Variants in TXNDC17 observed in about 807,000 individuals in gnomAD.
TXNDC17 encodes the protein thioredoxin domain-containing protein 17.
A neutral mutation model predicts 16.3 loss-of-function variants in TXNDC17; 12 were observed. The ratio of observed to expected loss-of-function variants is 0.74; its 90% CI spans 0.47 to 1.19. The LOEUF is 1.19. TXNDC17 is among the 50% of genes most tolerant of loss of function. The pLI is 0.00. For synonymous variants in TXNDC17, 62 were observed against 55.0 expected (o/e 1.13, Z -0.56); for missense variants, 158 against 149.7 (o/e 1.06, Z -0.29).
At position 6,641,782 on chromosome 17, in the gene TXNDC17, C is replaced by T; in HGVS notation, c.175C>T (p.His59Tyr). The T allele has an allele frequency of 5.0e-6, 8 of 1,614,086 alleles. No individual in the cohort carries two copies. Among genetic ancestry groups the T allele is most frequent in the Non-Finnish European group, 6.8e-6 (8 of 1,180,016 alleles). Residue 59 changes from histidine to tyrosine, a missense_variant, in exon 2 of 4, where the codon CAC (histidine) becomes TAC (tyrosine). Coordinates refer to ENST00000250101, the MANE Select transcript of TXNDC17 (RefSeq NM_032731.4). Reference protein sequence around the residue: ...AEPVVREGLKHISEGCVFIYC... With the variant: ...AEPVVREGLKYISEGCVFIYC... ...ACCAGTCGTACGAGAGGGGCTGAAGCACATTAGTGAAGGATGTGTGTTCAT... is the reference window on the plus strand; with the variant it reads ...ACCAGTCGTACGAGAGGGGCTGAAGTACATTAGTGAAGGATGTGTGTTCAT...
Position 6,642,584 on chromosome 17 carries a change from C to T in TXNDC17, c.303+260C>T, listed in dbSNP as rs549010088. 6.6e-6 allele frequency: 3 copies of T among 457,532 alleles called. No homozygotes were observed. In the South Asian group the frequency reaches 1.1e-4, roughly 16 times the overall value. 28.3% of individuals were successfully genotyped at this position (457,532 alleles called of 1,614,324 possible). A position where few individuals can be genotyped will look rare whatever the true frequency, so the allele number is the denominator to read the frequency against. On this transcript the variant is annotated intron_variant, in intron 3 of 3. Coordinates refer to ENST00000250101, the MANE Select transcript of TXNDC17 (RefSeq NM_032731.4). ...TAATTCCTTAAAACATTTGCATCAA[C>T]AGTTGTTTTCTGTTTAATTCATAAT... is the stretch of plus-strand genomic sequence containing the variant.
At position 6,642,914 on chromosome 17, in the gene TXNDC17, T is replaced by A. The variant is rs553008727; in HGVS notation, c.304-37T>A. On this transcript the variant is annotated intron_variant, in intron 3 of 3. Transcript: ENST00000250101. ...TCATTCCACTCCTAATAACGTTTTATAGAAGTAGTGAAGATTTGACTGTTT... is the reference window on the plus strand; with the variant it reads ...TCATTCCACTCCTAATAACGTTTTAAAGAAGTAGTGAAGATTTGACTGTTT... 89 of 1,510,810 alleles carry A rather than the reference T, an allele frequency of 5.9e-5. No individual in the cohort carries two copies. In the South Asian group the frequency reaches 8.4e-4, roughly 14 times the overall value. 93.6% of individuals were successfully genotyped at this position (1,510,810 alleles called of 1,614,324 possible). A position where few individuals can be genotyped will look rare whatever the true frequency, so the allele number is the denominator to read the frequency against.
chr17:6,641,980 A>T, intron 2 of TXNDC17, 146 bp downstream of exon 2: 1 of 794,814 alleles, frequency 1.3e-6, no homozygotes, highest in Non-Finnish European at 2.1e-6. Flanking sequence ...ATACAAATTT[A>T]AAATGCCCAC....
chr17:6,641,297 G>C (rs1273256783), intron 1 of TXNDC17, 70 bp downstream of exon 1: 1 of 1,587,436 alleles, frequency 6.3e-7, no homozygotes, highest in Non-Finnish European at 8.6e-7. Context: ...GCCAGAAGGG[G>C]GGCTTAGCGG....
At chr17:6,641,662 C>T (rs938162850) in intron 1 of TXNDC17, 91 bp from the exon 2 acceptor site, 11 of 1,286,766 alleles carry the variant, frequency 8.5e-6, no homozygotes, top group African/African-American at 1.5e-5. Flanking sequence ...TGAGTGCTTA[C>T]CAAGACTGGG....
chr17:6,644,480 G>A lies in TXNDC17; in HGVS notation c.*1461G>A. ...GTATCCAGTTTTTCATTTTCCCGAT[G>A]TGTTATTTTGCTGTTGCTGCTCTGC... is the stretch of plus-strand genomic sequence containing the variant. On this transcript the variant is annotated 3_prime_UTR_variant, in exon 4 of 4. Coordinates refer to ENST00000250101, the MANE Select transcript of TXNDC17 (RefSeq NM_032731.4). 6.3e-7 allele frequency: 1 copy of A among 1,599,838 alleles called. No individual in the cohort carries two copies. The highest frequency in any genetic ancestry group is 8.5e-7 in the Non-Finnish European group (1 of 1,174,086).
chr17:6,641,699 C>A, intron 1 of TXNDC17, 54 bp from the exon 2 acceptor site: 1 of 1,542,608 alleles, frequency 6.5e-7, no homozygotes, highest in East Asian at 2.3e-5. Context: ...ACAGTTTATA[C>A]GTGCCTGATT....
chr17:6,642,438 A>G, intron 3 of TXNDC17, 114 bp downstream of exon 3: 2 of 746,578 alleles, frequency 2.7e-6, no homozygotes, highest in South Asian at 1.9e-5. Flanking sequence ...ATTGTTGTTC[A>G]GAGTGCTGCT....
chr17:6,641,773 G>T lies in TXNDC17; in HGVS notation c.166G>T (p.Gly56Trp), dbSNP rs747247546. 5.6e-6 allele frequency: 9 copies of T among 1,613,942 alleles called. No individual in the cohort carries two copies. The highest frequency in any genetic ancestry group is 7.6e-6 in the Non-Finnish European group (9 of 1,180,004). Residue 56 changes from glycine (G) to tryptophan (W), a missense_variant, in exon 2 of 4, where the codon GGG becomes TGG. By Grantham distance (184) the Gly-to-Trp change is radical. Transcript: ENST00000250101. ...CVQAEPVVRE[G>W]LKHISEGCVF... ...TAAAGCTGAACCAGTCGTACGAGAG[G>T]GGCTGAAGCACATTAGTGAAGGATG...
Position 6,641,564 on chromosome 17 carries a change from A to T in TXNDC17, c.146-189A>T, listed in dbSNP as rs556146270. The T allele has an allele frequency of 2.6e-4, 173 of 666,166 alleles. No individual in the cohort carries two copies. The African/African-American group carries it at 2.6e-3, about 10-fold the overall frequency. 41.3% of individuals were successfully genotyped at this position (666,166 alleles called of 1,614,324 possible). A position where few individuals can be genotyped will look rare whatever the true frequency, so the allele number is the denominator to read the frequency against. On this transcript the variant is annotated intron_variant, in intron 1 of 3. Transcript: ENST00000250101. ...GGTGCAGGGGCAAATCGGGACTGGG[A>T]TTTGGTCCTTACCCTTAACGTGGCT...
rs573607981 is a variant in TXNDC17, at chr17:6,643,721, T to C, written c.*702T>C. ...GTTTTCTCTTCTATAAACAAGGTTCTTAGAATAAAATGAGAATTCAAGGAA... is the reference window on the plus strand; with the variant it reads ...GTTTTCTCTTCTATAAACAAGGTTCCTAGAATAAAATGAGAATTCAAGGAA... On this transcript the variant is annotated 3_prime_UTR_variant, in exon 4 of 4. Transcript: ENST00000250101. 1 of 164,404 alleles carries C rather than the reference T, an allele frequency of 6.1e-6. No individual in the cohort carries two copies. Among genetic ancestry groups the C allele is most frequent in the East Asian group, 1.7e-4 (1 of 5,976 alleles). The allele number at this position is 164,404 out of a possible 1,614,324, so 10.2% of individuals were successfully genotyped here.
In TXNDC17 at chr17:6,641,099, A is replaced by T. The variant is rs1281590518; in HGVS notation, c.17A>T (p.Glu6Val). ...GTCGTGCCAATGGCCCGCTATGAGG[A>T]GGTGAGCGTGTCCGGCTTCGAGGAG... MARYE[E>V]VSVSGFEEFH... is the part of the protein sequence containing the mutation. The change falls in exon 1 of 4, where the codon GAG (glutamate) becomes GTG (valine). Residue 6 changes from glutamate to valine, a missense_variant. Physicochemically the swap from Glu to Val is moderately radical, Grantham distance 121. Coordinates refer to ENST00000250101, the MANE Select transcript of TXNDC17 (RefSeq NM_032731.4). 3 of 1,613,168 alleles carry T rather than the reference A, an allele frequency of 1.9e-6. No homozygotes were observed. The highest frequency in any genetic ancestry group is 2.5e-6 in the Non-Finnish European group (3 of 1,179,964).
chr17:6,641,777 T>C lies in TXNDC17; in HGVS notation c.170T>C (p.Leu57Pro). The change falls in exon 2 of 4, where the codon CTG (leucine) becomes CCG (proline). Residue 57 changes from leucine to proline, a missense_variant. Leu to Pro is a moderately conservative substitution (Grantham distance 98). Coordinates refer to ENST00000250101, the MANE Select transcript of TXNDC17 (RefSeq NM_032731.4). ...GCTGAACCAGTCGTACGAGAGGGGC[T>C]GAAGCACATTAGTGAAGGATGTGTG... ...VQAEPVVREG[L>P]KHISEGCVFI... is the part of the protein sequence containing the mutation. The C allele has an allele frequency of 6.2e-7, 1 of 1,614,180 alleles. No homozygotes were observed. Among genetic ancestry groups the C allele is most frequent in the Non-Finnish European group, 8.5e-7 (1 of 1,180,032 alleles).
rs1597631236 is a variant in TXNDC17 at position 6,644,009 on chromosome 17, T to G, written c.*990T>G. 3 of 399,374 alleles carry G rather than the reference T, an allele frequency of 7.5e-6. No homozygotes were observed. In the East Asian group the frequency reaches 1.1e-4, roughly 14 times the overall value. The allele number at this position is 399,374 out of a possible 1,614,324, so 24.7% of individuals were successfully genotyped here. On this transcript the variant is annotated 3_prime_UTR_variant, in exon 4 of 4. Coordinates refer to ENST00000250101, the MANE Select transcript of TXNDC17 (RefSeq NM_032731.4). ...CTTTATGCAGTTCCTGTCCTATGAT[T>G]TAAAGAGGTCAGTGACTCCGCTACT...
chr17:6,642,045 A>G (rs1972687290), intron 2 of TXNDC17: 2 of 658,132 alleles, frequency 3.0e-6, no homozygotes, highest in South Asian at 3.9e-5. Context: ...CCCAGAACTT[A>G]GCTGGCTTTA....
At chr17:6,642,824 C>G (rs1289738144) in intron 3 of TXNDC17, 127 bp from the exon 4 acceptor site, 3 of 689,920 alleles carry the variant, frequency 4.3e-6, no homozygotes, top group Non-Finnish European at 7.7e-6. Flanking sequence ...CTTGTTATAA[C>G]TAGATGATAG....
Position 6,642,350 on chromosome 17 carries a change from C to CT in TXNDC17, c.303+27dup, listed in dbSNP as rs757015261. On this transcript the variant is annotated intron_variant, in intron 3 of 3. Transcript: ENST00000250101. The stretch of plus-strand genomic sequence containing the variant: ...GTAAGTATCTTTAAATATGCTGGGC[C>CT]TGTAATTCACTGTCAGAACTCTTTT... 48 of 1,425,474 alleles carry CT rather than the reference C, an allele frequency of 3.4e-5. No individual in the cohort carries two copies. The East Asian group carries it at 1.1e-3, about 31-fold the overall frequency. 88.3% of individuals were successfully genotyped at this position (1,425,474 alleles called of 1,614,324 possible).
At position 6,644,387 on chromosome 17, in the gene TXNDC17, GTT is replaced by G. The variant is rs936206966; in HGVS notation, c.*1371_*1372del. 1.4e-6 allele frequency: 2 copies of G among 1,446,818 alleles called. No homozygotes were observed. The highest frequency in any genetic ancestry group is 5.3e-5 in the Admixed American group (2 of 37,998). The allele number at this position is 1,446,818 out of a possible 1,614,324, so 89.6% of individuals were successfully genotyped here. On this transcript the variant is annotated 3_prime_UTR_variant, in exon 4 of 4. Transcript: ENST00000250101. ...ACCATAATAAAGGTAGATAGGAAGA[GTT>G]TTCATTTTTTTTGTCTTCACTGTAC...
In TXNDC17 at chr17:6,642,256, G is replaced by A; in HGVS notation, c.235G>A (p.Asp79Asn). The stretch of plus-strand genomic sequence containing the variant: ...CTTTTTCTTTTCGAATAGTTGGAAA[G>A]ATCCAAATAATGACTTCAGAAAAAA... ...CQVGEKPYWK[D>N]PNNDFRKNLK... The change falls in exon 3 of 4, where the codon GAT (aspartate) becomes AAT (asparagine). Residue 79 changes from aspartate to asparagine, a missense_variant. Asp to Asn is a conservative substitution (Grantham distance 23). Transcript: ENST00000250101. 6.2e-7 allele frequency: 1 copy of A among 1,608,950 alleles called. No individual in the cohort carries two copies. Among genetic ancestry groups the A allele is most frequent in the Middle Eastern group, 1.7e-4 (1 of 6,016 alleles).
Sources: allele counts gnomAD v4.1 joint callset, GRCh38; gene constraint gnomAD v4.1.1; transcripts MANE v1.5; gene names NCBI Gene and HGNC (gene_info 2026-07-23, HGNC 2026-07-21).